ANTXR1: variants seen among roughly 807,000 people sequenced by gnomAD.
The protein encoded by ANTXR1 is anthrax toxin receptor 1.
Under a neutral mutation model 78.1 loss-of-function variants are expected in ANTXR1, and 19 were observed. The observed-to-expected ratio is 0.24, with a 90% CI of 0.17 to 0.36. The LOEUF (loss-of-function observed/expected upper bound fraction) is 0.36, where lower values mean the gene tolerates loss of function less well. Among genes scored for constraint, ANTXR1 ranks in the 10% least tolerant of loss-of-function variants. The pLI is 1.00. For synonymous variants in ANTXR1, 273 were observed against 260.5 expected, an observed-to-expected ratio of 1.05 and a Z score of -0.46; for missense variants, 518 against 718.6, an observed-to-expected ratio of 0.72 and a Z score of 3.19.
chr2:69,187,733 G>A (rs1176344780), intron 16 of ANTXR1, among the ~76,000 whole-genome samples: 1 of 150,892 alleles, frequency 6.6e-6, no homozygotes, highest in Admixed American at 6.6e-5. Context: ...GACTACAGGC[G>A]GGTGCCACCA....
intron 17 of ANTXR1, among the ~76,000 whole-genome samples, chr2:69,196,751 C>T (rs944481875): frequency 6.6e-6 from 1 of 152,160 alleles, no homozygotes; most frequent in Admixed American, 6.5e-5. Flanking sequence ...TAAAACAAAA[C>T]AAAAACAAAA....
chr2:69,022,086 T>G (rs1041925994), intron 1 of ANTXR1, among the ~76,000 whole-genome samples: 5 of 152,214 alleles, frequency 3.3e-5, no homozygotes, highest in Non-Finnish European at 7.3e-5. Flanking sequence ...ATTTGAAAGA[T>G]AAAACTCTCT....
intron 17 of ANTXR1, among the ~76,000 whole-genome samples, chr2:69,213,211 A>C (rs549981533): frequency 4.6e-5 from 7 of 152,276 alleles, no homozygotes; most frequent in Admixed American, 4.6e-4. Flanking sequence ...CCTTCGTTTC[A>C]CAGAGGAGGG....
chr2:69,030,007 A>C (rs1350907507), intron 1 of ANTXR1, among the ~76,000 whole-genome samples: 1 of 152,224 alleles, frequency 6.6e-6, no homozygotes, highest in Non-Finnish European at 1.5e-5. Context: ...GATGCGGTTT[A>C]TTCTTAGCTC....
intron 8 of ANTXR1, among the ~76,000 whole-genome samples, chr2:69,086,439 C>G (rs1204520679): frequency 5.3e-5 from 8 of 152,252 alleles, no homozygotes; most frequent in Admixed American, 6.5e-5. Context: ...GCCTCTCTTA[C>G]TCGTCCTCCC....
At chr2:69,077,982 C>CT (rs1384501507) in intron 8 of ANTXR1, among the ~76,000 whole-genome samples, 2 of 152,206 alleles carry the variant, frequency 1.3e-5, no homozygotes, top group African/African-American at 2.4e-5. Flanking sequence ...TCAAGAGTTT[C>CT]TTTAACTCTC....
rs149012499 is a variant in ANTXR1 at position 69,101,796 on chromosome 2, A to G, written c.704-1046A>G. 1.9e-4 allele frequency among the ~76,000 whole-genome samples: 29 copies of G among 152,338 alleles called. No individual in the cohort carries two copies. In the East Asian group the frequency reaches 5.6e-3, roughly 29 times the overall value. On this transcript the variant is annotated intron_variant, in intron 9 of 17. Coordinates refer to ENST00000303714, the MANE Select transcript of ANTXR1 (RefSeq NM_032208.3). ...GTCTATTTCTCTTGTGATATGCCACATAGCATTATCCCGAGCCCCAATTTT... is the reference window on the plus strand; with the variant it reads ...GTCTATTTCTCTTGTGATATGCCACGTAGCATTATCCCGAGCCCCAATTTT...
intron 9 of ANTXR1, among the ~76,000 whole-genome samples, chr2:69,099,684 C>G (rs778754186): frequency 3.4e-4 from 52 of 152,208 alleles, no homozygotes; most frequent in Non-Finnish European, 7.1e-4. Context: ...TTCCATGTGA[C>G]TAATGATGTT....
At chr2:69,033,751 G>A (rs1171419482) in intron 1 of ANTXR1, among the ~76,000 whole-genome samples, 2 of 152,184 alleles carry the variant, frequency 1.3e-5, no homozygotes, top group South Asian at 2.1e-4. Flanking sequence ...GCTCTTCCAG[G>A]ATTAAAAGAC....
At chr2:69,027,449 CA>C (rs1428214477) in intron 1 of ANTXR1, among the ~76,000 whole-genome samples, 1 of 152,162 alleles carries the variant, frequency 6.6e-6, no homozygotes, top group Non-Finnish European at 1.5e-5. Flanking sequence ...CCAAAACAAG[CA>C]AACAAACCTT....
chr2:69,054,596 A>G (rs1279794453), intron 3 of ANTXR1, among the ~76,000 whole-genome samples: 1 of 152,148 alleles, frequency 6.6e-6, no homozygotes, highest in African/African-American at 2.4e-5. Context: ...AGTGAAAACC[A>G]AGAGACCACA....
chr2:69,144,635 T>C (rs1472103957), intron 12 of ANTXR1, among the ~76,000 whole-genome samples: 1 of 152,230 alleles, frequency 6.6e-6, no homozygotes, highest in East Asian at 1.9e-4. Context: ...AATTTTCCTG[T>C]CCTATTTCTG....
At chr2:69,044,210 C>G (rs992046767) in intron 2 of ANTXR1, among the ~76,000 whole-genome samples, 1 of 152,168 alleles carries the variant, frequency 6.6e-6, no homozygotes, top group Non-Finnish European at 1.5e-5. Context: ...AGCACATTCT[C>G]TCCTTATAGG....
chr2:69,167,577 A>G (rs1434091282), intron 13 of ANTXR1, among the ~76,000 whole-genome samples: 1 of 152,230 alleles, frequency 6.6e-6, no homozygotes, highest in African/African-American at 2.4e-5. Context: ...TAGCCTGTCT[A>G]GATCATACTT....
At chr2:69,129,916 G>A (rs1302953661) in intron 12 of ANTXR1, among the ~76,000 whole-genome samples, 1 of 152,190 alleles carries the variant, frequency 6.6e-6, no homozygotes, top group East Asian at 1.9e-4. Context: ...AGTAATTACA[G>A]GTGAAGAAGT....
At chr2:69,194,493 T>C (rs957142228) in intron 17 of ANTXR1, among the ~76,000 whole-genome samples, 3 of 152,242 alleles carry the variant, frequency 2.0e-5, no homozygotes, top group Non-Finnish European at 4.4e-5. Context: ...CACGGACTTC[T>C]TCCTACTGTG....
intron 10 of ANTXR1, among the ~76,000 whole-genome samples, chr2:69,116,017 C>T (rs7564112): frequency 0.17 from 26,048 of 152,208 alleles, 3,259 homozygotes; most frequent in African/African-American, 0.35. Flanking sequence ...TCCCATTCGG[C>T]TTTGAATCTT....
At chr2:69,177,497 T>C (rs1242144534) in intron 14 of ANTXR1, among the ~76,000 whole-genome samples, 1 of 152,152 alleles carries the variant, frequency 6.6e-6, no homozygotes, top group South Asian at 2.1e-4. Context: ...GCCTCTACCA[T>C]CTGAGGAATG....
chr2:69,084,884 G>A lies in ANTXR1; in HGVS notation c.643-5975G>A, dbSNP rs556368537. On this transcript the variant is annotated intron_variant, in intron 8 of 17. Coordinates refer to ENST00000303714, the MANE Select transcript of ANTXR1 (RefSeq NM_032208.3). ...TTTTTTTTTTTTGAGGCAGAGTCTC[G>A]CTCTGTTGCCCAGGCTGGAGTGCAG... Among the ~76,000 whole-genome samples the A allele has an allele frequency of 3.0e-4, 38 of 128,260 alleles. 1 individual carries two copies. The highest frequency in any genetic ancestry group is 1.2e-3 in the South Asian group (5 of 4,168). 84.1% of individuals were successfully genotyped at this position (128,260 alleles called of 152,430 possible). A position where few individuals can be genotyped will look rare whatever the true frequency, so the allele number is the denominator to read the frequency against.
Sources: allele counts gnomAD v4.1 joint callset (sites outside exome capture counted in the v4.1 genomes callset), GRCh38; gene constraint gnomAD v4.1.1; transcripts MANE v1.5; gene names NCBI Gene and HGNC (gene_info 2026-07-23, HGNC 2026-07-21).